The following NUBPL variants were observed in gnomAD, a reference collection of about 807,000 sequenced individuals.
NUBPL encodes the protein iron-sulfur cluster transfer protein NUBPL.
A neutral mutation model predicts 45.7 loss-of-function variants in NUBPL; 31 were observed. The observed-to-expected ratio is 0.68, with a 90% confidence interval of 0.51 to 0.92. NUBPL has a LOEUF of 0.92. NUBPL is among the 40% of genes least tolerant of loss of function. NUBPL has a pLI of 0.00. For missense variants in NUBPL, 401 were observed against 398.7 expected, an observed-to-expected ratio of 1.01 and a Z score of -0.05; for synonymous variants, 144 against 140.9, an observed-to-expected ratio of 1.02 and a Z score of -0.15.
At position 31,824,963 on chromosome 14, in the gene NUBPL, A is replaced by G. The variant is rs184787065; in HGVS notation, c.608-1666A>G. Among the ~76,000 whole-genome samples, 275 of 152,322 alleles carry G rather than the reference A, an allele frequency of 1.8e-3. 1 individual carries two copies. Among genetic ancestry groups the G allele is most frequent in the African/African-American group, 6.3e-3 (261 of 41,580 alleles). ...AAATTAAAAAAAAATTCACGGATTC[A>G]GCCAATCTTAACCAGGCCTTTGTTG... On this transcript the variant is annotated intron_variant, in intron 7 of 10. Coordinates refer to ENST00000281081, the MANE Select transcript of NUBPL (RefSeq NM_025152.3).
chr14:31,629,365 TA>T (rs1167642818), intron 4 of NUBPL, among the ~76,000 whole-genome samples: 8 of 152,140 alleles, frequency 5.3e-5, no homozygotes, highest in African/African-American at 1.9e-4. Context: ...CGGCACATTG[TA>T]AAAAAAGTTC....
chr14:31,769,287 A>G (rs901255307), intron 6 of NUBPL, among the ~76,000 whole-genome samples: 4 of 152,188 alleles, frequency 2.6e-5, no homozygotes, highest in Non-Finnish European at 5.9e-5. Flanking sequence ...TGGACTTGAT[A>G]ATTTTTAAAG....
chr14:31,739,202 C>CTATATATATATTATATTATA (rs1280048699), intron 6 of NUBPL, among the ~76,000 whole-genome samples: 1 of 135,088 alleles, frequency 7.4e-6, no homozygotes, highest in African/African-American at 2.6e-5. Flanking sequence ...ATATTATATT[C>CTATATATATATTATATTATA]TATATATATA....
At position 31,836,671 on chromosome 14, in the gene NUBPL, A is replaced by G. The variant is rs980502847; in HGVS notation, c.694-9800A>G. Among the ~76,000 whole-genome samples the G allele has an allele frequency of 2.0e-5, 3 of 152,182 alleles. No homozygotes were observed. The South Asian group carries it at 6.2e-4, about 32-fold the overall frequency. ...GGAGGATTGCTGTTAAGTGAACTTG[A>G]GCAGTGGTTTCTAAGCTTTTTAATA... On this transcript the variant is annotated intron_variant, in intron 8 of 10. Coordinates refer to ENST00000281081, the MANE Select transcript of NUBPL (RefSeq NM_025152.3).
chr14:31,837,806 A>G (rs139615568), intron 8 of NUBPL, among the ~76,000 whole-genome samples: 2 of 152,334 alleles, frequency 1.3e-5, no homozygotes, highest in African/African-American at 4.8e-5. Context: ...AGTCAACTTT[A>G]TTAATAATTA....
chr14:31,646,847 T>TC (rs151100663), intron 4 of NUBPL, among the ~76,000 whole-genome samples: 42,644 of 147,572 alleles, frequency 0.29, 6,577 homozygotes, highest in South Asian at 0.4. Flanking sequence ...TTCTCAAATT[T>TC]GTTTTTTTTT....
rs1266171078 is a variant in NUBPL at position 31,601,217 on chromosome 14, G to T, written c.382+1838G>T. 3.9e-5 allele frequency among the ~76,000 whole-genome samples: 6 copies of T among 152,184 alleles called. No homozygotes were observed. In the East Asian group the frequency reaches 1.2e-3, roughly 29 times the overall value. On this transcript the variant is annotated intron_variant, in intron 4 of 10. Transcript: ENST00000281081. Reference sequence around the variant, plus strand: ...CCTCCAGCTTTGTTCTTTTGGCTCAGGATTGACTTGGTGATGCAGGCTCTT... The same window carrying T: ...CCTCCAGCTTTGTTCTTTTGGCTCATGATTGACTTGGTGATGCAGGCTCTT...
rs148273575 is a variant in NUBPL, at chr14:31,616,321, T to C, written c.382+16942T>C. 1.8e-4 allele frequency among the ~76,000 whole-genome samples: 28 copies of C among 152,300 alleles called. 1 individual carries two copies. The East Asian group carries it at 5.2e-3, about 28-fold the overall frequency. ...GCCATTTATCAATTTTGGCTTTTGGTGTTTTAGTCATGAAGTCTTTGCCCA... is the reference window on the plus strand; with the variant it reads ...GCCATTTATCAATTTTGGCTTTTGGCGTTTTAGTCATGAAGTCTTTGCCCA... On this transcript the variant is annotated intron_variant, in intron 4 of 10. Transcript: ENST00000281081.
intron 4 of NUBPL, among the ~76,000 whole-genome samples, chr14:31,640,548 G>A (rs2035660868): frequency 6.6e-6 from 1 of 151,118 alleles, no homozygotes; most frequent in Non-Finnish European, 1.5e-5. Flanking sequence ...CTGGGAGGTG[G>A]AGGTTGCAGT....
chr14:31,846,365 T>G (rs957866200), intron 8 of NUBPL, 106 bp from the exon 9 acceptor site: 2 of 864,436 alleles, frequency 2.3e-6, no homozygotes, highest in Admixed American at 4.0e-5. Flanking sequence ...GTGATAACAT[T>G]GATGAGTGCC....
intron 4 of NUBPL, among the ~76,000 whole-genome samples, chr14:31,631,204 G>A (rs1389068069): frequency 6.6e-6 from 1 of 151,946 alleles, no homozygotes; most frequent in Non-Finnish European, 1.5e-5. Flanking sequence ...TTTATGTTTT[G>A]TCCAGTTTTC....
intron 7 of NUBPL, among the ~76,000 whole-genome samples, chr14:31,813,301 C>G (rs1007174082): frequency 2.0e-5 from 3 of 151,930 alleles, no homozygotes; most frequent in Non-Finnish European, 4.4e-5. Context: ...CTGGTTAATT[C>G]TTTATAGCGT....
chr14:31,723,962 C>T (rs1046358339), intron 6 of NUBPL, among the ~76,000 whole-genome samples: 7 of 152,112 alleles, frequency 4.6e-5, no homozygotes, highest in African/African-American at 1.7e-4. Flanking sequence ...TTGCTCTGGT[C>T]AGGACTTCCA....
intron 4 of NUBPL, among the ~76,000 whole-genome samples, chr14:31,661,569 T>C (rs1437949464): frequency 6.6e-6 from 1 of 152,066 alleles, no homozygotes; most frequent in African/African-American, 2.4e-5. Flanking sequence ...CGAGACGGAG[T>C]CTCGCACTGT....
intron 4 of NUBPL, among the ~76,000 whole-genome samples, chr14:31,619,252 T>A (rs939764731): frequency 3.9e-5 from 6 of 152,198 alleles, no homozygotes; most frequent in Admixed American, 6.5e-5. Context: ...TGTCAGTCTG[T>A]GTGTTTTAAT....
chr14:31,616,665 G>A (rs959306592), intron 4 of NUBPL, among the ~76,000 whole-genome samples: 3 of 152,108 alleles, frequency 2.0e-5, no homozygotes, highest in Non-Finnish European at 4.4e-5. Flanking sequence ...AGCTGTTTTG[G>A]TAACTGTAGA....
chr14:31,738,561 G>A (rs2038210123), intron 6 of NUBPL, among the ~76,000 whole-genome samples: 1 of 152,100 alleles, frequency 6.6e-6, no homozygotes, highest in South Asian at 2.1e-4. Flanking sequence ...AAAAGACAAT[G>A]ATTATCTGGA....
At chr14:31,719,457 T>A (rs1307181683) in intron 6 of NUBPL, among the ~76,000 whole-genome samples, 1 of 151,786 alleles carries the variant, frequency 6.6e-6, no homozygotes, top group Non-Finnish European at 1.5e-5. Context: ...TAATCCATTT[T>A]ATACTTTATA....
chr14:31,761,626 T>C (rs1312759105), intron 6 of NUBPL, among the ~76,000 whole-genome samples: 1 of 152,188 alleles, frequency 6.6e-6, no homozygotes, highest in Admixed American at 6.5e-5. Flanking sequence ...TCATATAGTT[T>C]AGCAACCTGC....
Sources: gnomAD v4.1 joint callset for allele counts (sites outside exome capture counted in the v4.1 genomes callset) on GRCh38, gnomAD v4.1.1 for gene constraint, MANE v1.5 for transcripts, NCBI Gene and HGNC (gene_info 2026-07-23, HGNC 2026-07-21) for gene names.